The following ANKS1B variants were observed in gnomAD, a reference collection of about 807,000 sequenced individuals.
ANKS1B encodes ankyrin repeat and sterile alpha motif domain-containing protein 1B.
ANKS1B carries 36 observed loss-of-function variants against 148.3 expected under a neutral mutation model. The ratio of observed to expected loss-of-function variants is 0.24; its 90% confidence interval spans 0.19 to 0.32. The LOEUF (loss-of-function observed/expected upper bound fraction) is 0.32. Among genes scored for constraint, ANKS1B ranks in the 10% least tolerant of loss-of-function variants. The pLI is 1.00. For synonymous variants in ANKS1B, 542 were observed against 560.8 expected (o/e 0.97, Z 0.47); for missense variants, 1,157 against 1,542.6 (o/e 0.75, Z 4.19).
At chr12:99,602,012 T>C (rs1353720236) in intron 9 of ANKS1B, among the ~76,000 whole-genome samples, 1 of 152,048 alleles carries the variant, frequency 6.6e-6, no homozygotes, top group Non-Finnish European at 1.5e-5. Flanking sequence ...TTCTAGGTTT[T>C]ATGTCTGGCT....
intron 14 of ANKS1B, among the ~76,000 whole-genome samples, chr12:99,213,680 T>C (rs1435222499): frequency 1.3e-5 from 2 of 152,204 alleles, no homozygotes; most frequent in African/African-American, 4.8e-5. Flanking sequence ...ATGAATCAAA[T>C]AGAAATATTA....
chr12:99,736,058 A>G (rs2059589714), intron 8 of ANKS1B, among the ~76,000 whole-genome samples: 1 of 152,096 alleles, frequency 6.6e-6, no homozygotes, highest in Non-Finnish European at 1.5e-5. Flanking sequence ...ATAAAATTCA[A>G]CAATGCTTCA....
intron 4 of ANKS1B, among the ~76,000 whole-genome samples, chr12:99,785,258 CGTGTGTGT>C (rs34228059): frequency 1.5e-5 from 2 of 137,402 alleles, no homozygotes; most frequent in African/African-American, 5.4e-5. Context: ...ATCAGTAGGT[CGTGTGTGT>C]GTGTGTGTGT....
At chr12:98,892,551 T>C (rs2099754865) in intron 17 of ANKS1B, among the ~76,000 whole-genome samples, 1 of 152,196 alleles carries the variant, frequency 6.6e-6, no homozygotes, top group Non-Finnish European at 1.5e-5. Flanking sequence ...TGCAGTAAAT[T>C]AATAGACAAG....
chr12:98,811,645 T>C (rs770054609), intron 19 of ANKS1B, among the ~76,000 whole-genome samples: 1 of 152,178 alleles, frequency 6.6e-6, no homozygotes, highest in Non-Finnish European at 1.5e-5. Flanking sequence ...AAGCCTTAGT[T>C]CTTTCCACAG....
At chr12:98,957,287 T>A (rs992467358) in intron 17 of ANKS1B, among the ~76,000 whole-genome samples, 8 of 151,784 alleles carry the variant, frequency 5.3e-5, no homozygotes, top group Admixed American at 3.9e-4. Flanking sequence ...TCACACACAG[T>A]GGATGCTCCA....
chr12:98,780,786 T>C (rs1406227857), intron 24 of ANKS1B, among the ~76,000 whole-genome samples: 1 of 152,226 alleles, frequency 6.6e-6, no homozygotes, highest in Non-Finnish European at 1.5e-5. Context: ...TTTTGTTTTC[T>C]GTTTCAATGT....
At chr12:99,979,948 A>T (rs1187867551) in intron 1 of ANKS1B, among the ~76,000 whole-genome samples, 1 of 152,014 alleles carries the variant, frequency 6.6e-6, no homozygotes, top group African/African-American at 2.4e-5. Flanking sequence ...AAACATGCTT[A>T]TTACATCTCT....
At chr12:99,978,339 T>G (rs2095652950) in intron 1 of ANKS1B, among the ~76,000 whole-genome samples, 1 of 152,162 alleles carries the variant, frequency 6.6e-6, no homozygotes, top group Admixed American at 6.5e-5. Flanking sequence ...CCTCAGTGTT[T>G]TGAAAAGGGA....
Position 98,744,492 on chromosome 12 carries a change from A to C in ANKS1B, c.*1247T>G, listed in dbSNP as rs2097841511. Reference sequence around the variant, plus strand: ...TAAAATGTTATTTTTTTCTATAATGATATTGGTACTGTTTATATAATTTGA... The same window carrying C: ...TAAAATGTTATTTTTTTCTATAATGCTATTGGTACTGTTTATATAATTTGA... On this transcript the variant is annotated 3_prime_UTR_variant, in exon 27 of 27. Transcript: ENST00000683438. 1.6e-6 allele frequency: 1 copy of C among 606,364 alleles called. No individual in the cohort carries two copies. Among genetic ancestry groups the C allele is most frequent in the Non-Finnish European group, 2.1e-6 (1 of 483,970 alleles). The allele number at this position is 606,364 out of a possible 1,614,324, so 37.6% of individuals were successfully genotyped here. A position where few individuals can be genotyped will look rare whatever the true frequency, so the allele number is the denominator to read the frequency against.
chr12:99,299,393 T>C (rs1251329826), intron 12 of ANKS1B, among the ~76,000 whole-genome samples: 3 of 152,178 alleles, frequency 2.0e-5, no homozygotes, highest in African/African-American at 7.2e-5. Context: ...GGAGAGCTTG[T>C]GAGTTAATAT....
At chr12:99,877,000 G>A (rs1430658789) in intron 1 of ANKS1B, among the ~76,000 whole-genome samples, 1 of 151,998 alleles carries the variant, frequency 6.6e-6, no homozygotes, top group Admixed American at 6.6e-5. Flanking sequence ...TGCTGCTTCT[G>A]GCATTTAGCG....
At chr12:99,603,311 T>C (rs1451026236) in intron 9 of ANKS1B, among the ~76,000 whole-genome samples, 1 of 152,114 alleles carries the variant, frequency 6.6e-6, no homozygotes, top group African/African-American at 2.4e-5. Flanking sequence ...AAATTTCCCA[T>C]AGTATCTATA....
chr12:98,992,963 T>A (rs936697130), intron 17 of ANKS1B, among the ~76,000 whole-genome samples: 1 of 152,198 alleles, frequency 6.6e-6, no homozygotes, highest in Non-Finnish European at 1.5e-5. Context: ...CTTTCTGGGC[T>A]TTAAAGGCTA....
chr12:98,980,115 A>G (rs2099907028), intron 17 of ANKS1B, among the ~76,000 whole-genome samples: 1 of 152,200 alleles, frequency 6.6e-6, no homozygotes, highest in East Asian at 1.9e-4. Flanking sequence ...TTTTGTCTGT[A>G]GAAATCACAT....
Position 99,246,293 on chromosome 12 carries a change from G to C in ANKS1B, c.2328C>G (p.Phe776Leu), listed in dbSNP as rs1027741136. 3 of 1,593,130 alleles carry C rather than the reference G, an allele frequency of 1.9e-6. No homozygotes were observed. Among genetic ancestry groups the C allele is most frequent in the Non-Finnish European group, 2.6e-6 (3 of 1,169,176 alleles). The change falls in exon 13 of 27, where the codon TTC becomes TTG. Residue 776 changes from phenylalanine (F) to leucine (L), a missense_variant. Phe to Leu is a conservative substitution (Grantham distance 22). Transcript: ENST00000683438. The part of the protein sequence containing the change: ...SKGNSERTPS[F>L]TSEWEEIDKI... ...AGCTTACTTCTTCCCATTCCGATGT[G>C]AAGGATGGTGTTCTTTCAGAATTCC...
chr12:99,067,143 T>C (rs1242278689), intron 16 of ANKS1B, among the ~76,000 whole-genome samples: 1 of 152,188 alleles, frequency 6.6e-6, no homozygotes, highest in East Asian at 1.9e-4. Context: ...CATGAAACAT[T>C]TTTGGACATT....
At chr12:99,980,750 C>T (rs1193510009) in intron 1 of ANKS1B, among the ~76,000 whole-genome samples, 1 of 151,904 alleles carries the variant, frequency 6.6e-6, no homozygotes, top group African/African-American at 2.4e-5. Flanking sequence ...TATAAGAAAA[C>T]AAAAATACAT....
chr12:98,895,800 T>A (rs1297392595), intron 17 of ANKS1B, among the ~76,000 whole-genome samples: 3 of 152,208 alleles, frequency 2.0e-5, no homozygotes, highest in Non-Finnish European at 4.4e-5. Flanking sequence ...TGTTTTTGTT[T>A]GTTTGTTTTT....
Sources: allele counts gnomAD v4.1 joint callset (sites outside exome capture counted in the v4.1 genomes callset), GRCh38; gene constraint gnomAD v4.1.1; transcripts MANE v1.5; gene names NCBI Gene and HGNC (gene_info 2026-07-23, HGNC 2026-07-21).